Variants in USP32 observed in about 807,000 individuals in gnomAD.
USP32 encodes the protein ubiquitin specific peptidase 32.
In USP32, 59 loss-of-function variants were observed where a neutral mutation model predicts 204.8. The ratio of observed to expected loss-of-function variants is 0.29; its 90% CI spans 0.23 to 0.36. The LOEUF is 0.36. Among genes scored for constraint, USP32 ranks in the 10% least tolerant of loss-of-function variants. The probability of loss-of-function intolerance (pLI) is 1.00; values close to 1 mark genes in which losing one functional copy is unlikely to be tolerated. For synonymous variants in USP32, 517 were observed against 678.4 expected (o/e 0.76, Z 3.70); for missense variants, 1,160 against 1,946.4 (o/e 0.60, Z 7.60).
intron 6 of USP32, 71 bp downstream of exon 6, chr17:60,271,279 T>C (rs1247166763): frequency 6.4e-7 from 1 of 1,551,916 alleles, no homozygotes; most frequent in Non-Finnish European, 8.7e-7. Context: ...TAAAATGTAT[T>C]GGTTACAAAT....
Position 60,223,534 on chromosome 17 carries a change from A to T in USP32, c.1485T>A (p.His495Gln). 6.2e-7 allele frequency: 1 copy of T among 1,613,342 alleles called. No individual in the cohort carries two copies. Among genetic ancestry groups the T allele is most frequent in the Non-Finnish European group, 8.5e-7 (1 of 1,179,836 alleles). The change falls in exon 14 of 34, where the codon CAT becomes CAA. Residue 495 changes from histidine to glutamine, a missense_variant. Around this residue, in one of 8 missense-constraint regions of USP32, gnomAD observed 536 missense variants for 680.9 expected, o/e 0.79. Transcript: ENST00000300896. ...PGADVCFARQ[H>Q]NTSDNNNQCL... ...ACTGGTTGTTATTGTCAGAAGTGTTATGTTGTCGAGCAAAGCAAACATCTG... is the reference window on the plus strand; with the variant it reads ...ACTGGTTGTTATTGTCAGAAGTGTTTTGTTGTCGAGCAAAGCAAACATCTG...
rs80080676 is a variant in USP32, at chr17:60,292,963, A to G, written c.411+1720T>C. Among the ~76,000 whole-genome samples the G allele has an allele frequency of 7.7e-3, 1,167 of 152,292 alleles. 17 individuals are homozygous for G. The highest frequency in any genetic ancestry group is 0.044 in the Middle Eastern group (13 of 294). On this transcript the variant is annotated intron_variant, in intron 4 of 33. Transcript: ENST00000300896. ...TTGGCCTTTTTATTGTTCCTTGGAC[A>G]TACAAGTACACCCCCACCTCAAGGC...
intron 5 of USP32, among the ~76,000 whole-genome samples, chr17:60,275,753 C>T (rs1040744550): frequency 2.6e-5 from 4 of 151,888 alleles, no homozygotes; most frequent in Admixed American, 2.6e-4. Context: ...ACTCTGTTGC[C>T]CAGACTGGAG....
chr17:60,388,084 G>A (rs2089762891), intron 1 of USP32, among the ~76,000 whole-genome samples: 1 of 151,916 alleles, frequency 6.6e-6, no homozygotes, highest in Non-Finnish European at 1.5e-5. Flanking sequence ...CCAGCCTTCA[G>A]TAAAAATCTG....
At chr17:60,405,450 C>T (rs1349689271) in intron 1 of USP32, among the ~76,000 whole-genome samples, 1 of 152,112 alleles carries the variant, frequency 6.6e-6, no homozygotes. Flanking sequence ...GACAGTCCAC[C>T]CGCCTCAACC....
chr17:60,394,416 T>A (rs927055185), upstream of USP32, among the ~76,000 whole-genome samples: 5 of 152,228 alleles, frequency 3.3e-5, no homozygotes, highest in African/African-American at 1.2e-4. Flanking sequence ...ATCTACCCAC[T>A]TGATTTGCAG....
At chr17:60,259,306 T>G (rs1262642001) in intron 9 of USP32, among the ~76,000 whole-genome samples, 1 of 152,220 alleles carries the variant, frequency 6.6e-6, no homozygotes, top group Non-Finnish European at 1.5e-5. Flanking sequence ...TATTTTTCAC[T>G]GAGCTGTATT....
intron 2 of USP32, among the ~76,000 whole-genome samples, chr17:60,311,056 T>G (rs1260090638): frequency 1.3e-5 from 2 of 152,280 alleles, no homozygotes; most frequent in East Asian, 3.9e-4. Context: ...AATACATGGT[T>G]TGACAGAAGA....
intron 12 of USP32, among the ~76,000 whole-genome samples, chr17:60,227,271 C>CTTT (rs376585619): frequency 1.6e-5 from 2 of 122,886 alleles, no homozygotes; most frequent in East Asian, 2.2e-4. Flanking sequence ...TTCTTTTTTT[C>CTTT]TTTTTTTTTT....
At chr17:60,301,502 G>A in intron 3 of USP32, 97 bp downstream of exon 3, 1 of 700,858 alleles carries the variant, frequency 1.4e-6, no homozygotes, top group East Asian at 3.3e-5. Context: ...TCTTCTTTGG[G>A]AAAATGTCAA....
At chr17:60,387,229 T>C (rs1027815277) in intron 1 of USP32, among the ~76,000 whole-genome samples, 5 of 152,312 alleles carry the variant, frequency 3.3e-5, no homozygotes, top group Non-Finnish European at 7.3e-5. Context: ...TACTGAGAAA[T>C]TGGTGAACAA....
intron 2 of USP32, among the ~76,000 whole-genome samples, chr17:60,322,187 G>T (rs1197597578): frequency 1.3e-5 from 2 of 151,874 alleles, no homozygotes; most frequent in Non-Finnish European, 2.9e-5. Flanking sequence ...TTTTTTTAAG[G>T]TTATTTTAAG....
Position 60,388,289 on chromosome 17 carries a change from T to TACACACACACACACACACACACAC in USP32, c.58+3569_58+3592dup, listed in dbSNP as rs35068599. On this transcript the variant is annotated intron_variant, in intron 1 of 33. Coordinates refer to ENST00000300896, the MANE Select transcript of USP32 (RefSeq NM_032582.4). Reference sequence around the variant, plus strand: ...GAATCATTTTAATTCAGCCGATTCTTACACACACACACACACACACACACA... The same window carrying TACACACACACACACACACACACAC: ...GAATCATTTTAATTCAGCCGATTCTTACACACACACACACACACACACACACACACACACACACACACACACACA... Among the ~76,000 whole-genome samples the TACACACACACACACACACACACAC allele has an allele frequency of 2.2e-3, 309 of 141,992 alleles. 3 individuals carry two copies. The highest frequency in any genetic ancestry group is 5.4e-3 in the African/African-American group (202 of 37,072). 93.2% of individuals were successfully genotyped at this position (141,992 alleles called of 152,430 possible).
intron 9 of USP32, among the ~76,000 whole-genome samples, chr17:60,264,423 C>T (rs189103557): frequency 6.6e-6 from 1 of 151,380 alleles, no homozygotes; most frequent in African/African-American, 2.4e-5. Flanking sequence ...AAGGCTGAGG[C>T]AGGATTGCTT....
At chr17:60,255,446 C>T (rs963810335) in intron 9 of USP32, among the ~76,000 whole-genome samples, 188 bp from the exon 10 acceptor site, 6 of 151,832 alleles carry the variant, frequency 4.0e-5, no homozygotes, top group Non-Finnish European at 8.8e-5. Context: ...TACAGGTGCC[C>T]GCCACCATGC....
At position 60,201,955 on chromosome 17, in the gene USP32, C is replaced by A. The variant is rs1209092241; in HGVS notation, c.3249+3492G>T. 3.9e-5 allele frequency among the ~76,000 whole-genome samples: 6 copies of A among 152,310 alleles called. No individual in the cohort carries two copies. In the South Asian group the frequency reaches 1.2e-3, roughly 32 times the overall value. ...TATAGGCGTGAGCCACCGCACCCAG[C>A]CAAGTTATCAATTTTAATGAAGTCC... On this transcript the variant is annotated intron_variant, in intron 26 of 33. Transcript: ENST00000300896.
rs1297594024 is a variant in USP32, at chr17:60,265,544, A to G, written c.928-70T>C. On this transcript the variant is annotated intron_variant, in intron 8 of 33. Coordinates refer to ENST00000300896, the MANE Select transcript of USP32 (RefSeq NM_032582.4). ...CTTTTAATTTTGTTATTCAATGGCT[A>G]AAGTATATTAAGCAAGATTTGTTTT... 9 of 1,024,170 alleles carry G rather than the reference A, an allele frequency of 8.8e-6. No homozygotes were observed. The East Asian group carries it at 2.2e-4, about 25-fold the overall frequency. The allele number at this position is 1,024,170 out of a possible 1,614,324, so 63.4% of individuals were successfully genotyped here.
chr17:60,257,006 C>T, intron 9 of USP32: 1 of 255,264 alleles, frequency 3.9e-6, no homozygotes, highest in East Asian at 1.3e-4. Flanking sequence ...TAATGAAGAA[C>T]TACAGAAGCA....
chr17:60,199,072 T>C (rs1245714792), intron 26 of USP32, among the ~76,000 whole-genome samples: 2 of 150,214 alleles, frequency 1.3e-5, no homozygotes, highest in Non-Finnish European at 2.9e-5. Context: ...GCTGTGATCG[T>C]GCCACTGCAC....
Sources: allele counts gnomAD v4.1 joint callset (sites outside exome capture counted in the v4.1 genomes callset), GRCh38; gene constraint gnomAD v4.1.1; regional missense constraint gnomAD v4.1.1; transcripts MANE v1.5; gene names NCBI Gene and HGNC (gene_info 2026-07-23, HGNC 2026-07-21).